Variants in OTOG observed in about 807,000 individuals in gnomAD.
OTOG encodes the protein otogelin.
A neutral mutation model predicts 313.8 loss-of-function variants in OTOG; 296 were observed. That is an observed-to-expected ratio of 0.94 (90% CI 0.86 to 1.04). The LOEUF (loss-of-function observed/expected upper bound fraction) is 1.04, where lower values mean the gene tolerates loss of function less well. Ranked by LOEUF, OTOG falls within the 50% of genes least tolerant of loss-of-function variation. OTOG has a pLI of 0.00. For missense variants in OTOG, 3,948 were observed against 3,840.1 expected (o/e 1.03, Z -0.74); for synonymous variants, 1,533 against 1,554.9 (o/e 0.99, Z 0.33).
intron 27 of OTOG, 137 bp downstream of exon 27, chr11:17,593,893 C>T: frequency 3.6e-6 from 5 of 1,394,938 alleles, no homozygotes; most frequent in Non-Finnish European, 4.9e-6. Context: ...CTCTGGGCCC[C>T]TTCTCCTCTG....
In OTOG at chr11:17,645,418, T is replaced by A. The variant is rs1848053358; in HGVS notation, c.8462-146T>A. On this transcript the variant is annotated intron_variant, in intron 54 of 55. Coordinates refer to ENST00000399397, the MANE Select transcript of OTOG (RefSeq NM_001292063.2). ...GGGCATTGGGTTAAAAGGCTTTCCC[T>A]GGATGGGGAGGGGCACTAATGCATG... 6 of 739,308 alleles carry A rather than the reference T, an allele frequency of 8.1e-6. No homozygotes were observed. In the South Asian group the frequency reaches 1.1e-4, roughly 14 times the overall value. The allele number at this position is 739,308 out of a possible 1,614,324, so 45.8% of individuals were successfully genotyped here. A position where few individuals can be genotyped will look rare whatever the true frequency, so the allele number is the denominator to read the frequency against.
intron 17 of OTOG, among the ~76,000 whole-genome samples, chr11:17,571,016 G>A (rs1029999513): frequency 2.6e-5 from 4 of 152,194 alleles, no homozygotes; most frequent in African/African-American, 9.7e-5. Flanking sequence ...TAGGAACTTA[G>A]GAAGGTTGAT....
intron 39 of OTOG, among the ~76,000 whole-genome samples, chr11:17,613,954 G>A (rs529277283): frequency 5.9e-5 from 9 of 152,238 alleles, no homozygotes; most frequent in East Asian, 3.9e-4. Context: ...AGAAAAAGTC[G>A]GAAAGGCAAA....
Position 17,578,373 on chromosome 11 carries a change from C to T in OTOG, c.2606C>T (p.Ala869Val), listed in dbSNP as rs148429203. The T allele has an allele frequency of 1.3e-6, 2 of 1,504,616 alleles. No individual in the cohort carries two copies. Among genetic ancestry groups the T allele is most frequent in the African/African-American group, 2.8e-5 (2 of 72,122 alleles). The allele number at this position is 1,504,616 out of a possible 1,614,324, so 93.2% of individuals were successfully genotyped here. Residue 869 changes from alanine to valine, a missense_variant and splice_region_variant, in exon 23 of 56, where the codon GCT becomes GTT. Transcript: ENST00000399397. Reference sequence around the variant, plus strand: ...CCGCTCCCATCTTCTTCTCTTCCAGCTGCTGCCTGCCCAGCAGGCCAGGTC... The same window carrying T: ...CCGCTCCCATCTTCTTCTCTTCCAGTTGCTGCCTGCCCAGCAGGCCAGGTC... ...GVMSCDSRAP[A>V]AACPAGQVFV...
chr11:17,645,737 G>T lies in OTOG; in HGVS notation c.8542-7G>T. 1.9e-6 allele frequency: 3 copies of T among 1,550,880 alleles called. No individual in the cohort carries two copies. The highest frequency in any genetic ancestry group is 1.7e-6 in the Non-Finnish European group (2 of 1,147,038). On this transcript the variant is annotated splice_polypyrimidine_tract_variant and splice_region_variant and intron_variant, in intron 55 of 55. Coordinates refer to ENST00000399397, the MANE Select transcript of OTOG (RefSeq NM_001292063.2). ...CACAGACTGCCTCACTGGCCTGCCC[G>T]TTCCAGGTGAACCTAGTGTCCTGCG...
intron 15 of OTOG, among the ~76,000 whole-genome samples, chr11:17,563,111 A>G (rs530709379): frequency 1.4e-4 from 22 of 152,332 alleles, no homozygotes; most frequent in African/African-American, 5.3e-4. Context: ...AACTGTGTCA[A>G]TCACCTGTGA....
At chr11:17,616,003 A>G (rs75413267) in intron 39 of OTOG, among the ~76,000 whole-genome samples, 7,923 of 152,216 alleles carry the variant, frequency 0.052, 261 homozygotes, top group African/African-American at 0.092. Flanking sequence ...CACTGATGCT[A>G]CAGTGTCTTG....
intron 38 of OTOG, among the ~76,000 whole-genome samples, chr11:17,613,057 G>A (rs1565118645): frequency 6.6e-6 from 1 of 152,188 alleles, no homozygotes; most frequent in Non-Finnish European, 1.5e-5. Flanking sequence ...GAGCTGGGAT[G>A]CCACTGCAAT....
At chr11:17,595,338 G>A (rs1853066615) in intron 28 of OTOG, among the ~76,000 whole-genome samples, 1 of 152,246 alleles carries the variant, frequency 6.6e-6, no homozygotes, top group Non-Finnish European at 1.5e-5. Context: ...GGGTTCCCCA[G>A]TGAAAATGTA....
chr11:17,638,617 G>C, intron 48 of OTOG, 68 bp downstream of exon 48: 1 of 1,511,696 alleles, frequency 6.6e-7, no homozygotes, highest in Non-Finnish European at 9.0e-7. Context: ...GGGATTGAGG[G>C]AGCCCGGCCT....
chr11:17,559,843 AAGG>A (rs1374802884), intron 12 of OTOG, among the ~76,000 whole-genome samples, 181 bp downstream of exon 12: 5 of 148,626 alleles, frequency 3.4e-5, no homozygotes, highest in Middle Eastern at 3.2e-3. Flanking sequence ...GGAAGGAAAA[AAGG>A]AGGAAAGAAG....
chr11:17,577,708 T>G (rs1008825166), intron 22 of OTOG, among the ~76,000 whole-genome samples: 2 of 152,192 alleles, frequency 1.3e-5, no homozygotes, highest in African/African-American at 2.4e-5. Context: ...TTTCTGGCTC[T>G]TTGGGACTTT....
At chr11:17,576,415 TG>T in intron 20 of OTOG, 140 bp from the exon 21 acceptor site, 1 of 683,626 alleles carries the variant, frequency 1.5e-6, no homozygotes, top group Middle Eastern at 2.5e-4. Flanking sequence ...ACTGGAGATG[TG>T]TCACATGTCA....
chr11:17,594,899 T>C (rs1853054611), intron 28 of OTOG, among the ~76,000 whole-genome samples: 1 of 152,214 alleles, frequency 6.6e-6, no homozygotes, highest in South Asian at 2.1e-4. Flanking sequence ...CAAAACAGAC[T>C]GCTTGGGAGC....
At chr11:17,550,631 G>T (rs1294807211) in intron 3 of OTOG, among the ~76,000 whole-genome samples, 1 of 152,196 alleles carries the variant, frequency 6.6e-6, no homozygotes, top group African/African-American at 2.4e-5. Context: ...TGAAGAGTGA[G>T]GACACGAAGA....
chr11:17,558,067 C>G, intron 8 of OTOG, 118 bp from the exon 9 acceptor site: 1 of 1,273,610 alleles, frequency 7.9e-7, no homozygotes, highest in Non-Finnish European at 1.1e-6. Context: ...CTCAGGAGAC[C>G]GGATTCTTCA....
chr11:17,556,703 G>T (rs996762806), intron 7 of OTOG, among the ~76,000 whole-genome samples: 1 of 152,194 alleles, frequency 6.6e-6, no homozygotes, highest in Non-Finnish European at 1.5e-5. Context: ...TTGGCTAGGG[G>T]TCCCTGTACC....
intron 39 of OTOG, among the ~76,000 whole-genome samples, chr11:17,615,877 G>C (rs1046067897): frequency 6.6e-6 from 1 of 152,076 alleles, no homozygotes; most frequent in African/African-American, 2.4e-5. Context: ...GCGGTGAGCT[G>C]AGATTGCACC....
In OTOG at chr11:17,612,340, G is replaced by A. The variant is rs1853580654; in HGVS notation, c.6292+10G>A. The A allele has an allele frequency of 6.6e-7, 1 of 1,520,324 alleles. No homozygotes were observed. Among genetic ancestry groups the A allele is most frequent in the Admixed American group, 2.0e-5 (1 of 50,238 alleles). 94.2% of individuals were successfully genotyped at this position (1,520,324 alleles called of 1,614,324 possible). Reference sequence around the variant, plus strand: ...CTCTGGGAGTGTGCCTGTGAGTCATGGGATCAGCGGAGCCTCCTGCATCCT... The same window carrying A: ...CTCTGGGAGTGTGCCTGTGAGTCATAGGATCAGCGGAGCCTCCTGCATCCT... On this transcript the variant is annotated intron_variant, in intron 37 of 55. Coordinates refer to ENST00000399397, the MANE Select transcript of OTOG (RefSeq NM_001292063.2).
Sources: gnomAD v4.1 joint callset for allele counts (sites outside exome capture counted in the v4.1 genomes callset) on GRCh38, gnomAD v4.1.1 for gene constraint, MANE v1.5 for transcripts, NCBI Gene and HGNC (gene_info 2026-07-23, HGNC 2026-07-21) for gene names.